Variants in PTPRO observed in about 807,000 individuals in gnomAD.
PTPRO encodes receptor-type tyrosine-protein phosphatase O.
PTPRO carries 62 observed loss-of-function variants against 145.2 expected under a neutral mutation model. The ratio of observed to expected loss-of-function variants is 0.43; its 90% CI spans 0.35 to 0.53. The LOEUF (loss-of-function observed/expected upper bound fraction) is 0.53, where lower values mean the gene tolerates loss of function less well. Ranked by LOEUF, PTPRO falls within the 20% of genes least tolerant of loss-of-function variation. The pLI is 0.01. For missense variants in PTPRO, 1,345 were observed against 1,482.7 expected (o/e 0.91, Z 1.53); for synonymous variants, 565 against 514.7 (o/e 1.10, Z -1.32).
rs142375659 is a variant in PTPRO at position 15,342,091 on chromosome 12, T to C, written c.75+19290T>C. On this transcript the variant is annotated intron_variant, in intron 1 of 26. Coordinates refer to ENST00000281171, the MANE Select transcript of PTPRO (RefSeq NM_030667.3). ...TGTATTTGTGCATGTGTGTAGTGTGTTTCGTGGAAGCCTTTAATTAACACG... is the reference window on the plus strand; with the variant it reads ...TGTATTTGTGCATGTGTGTAGTGTGCTTCGTGGAAGCCTTTAATTAACACG... 8.5e-4 allele frequency among the ~76,000 whole-genome samples: 129 copies of C among 152,368 alleles called. No homozygotes were observed. In the Middle Eastern group the frequency reaches 0.01, roughly 12 times the overall value.
intron 2 of PTPRO, among the ~76,000 whole-genome samples, chr12:15,491,222 G>A (rs1235479358): frequency 6.6e-6 from 1 of 152,184 alleles, no homozygotes; most frequent in East Asian, 1.9e-4. Flanking sequence ...TCCCTCAAGA[G>A]AACTGTGCCA....
intron 1 of PTPRO, among the ~76,000 whole-genome samples, chr12:15,399,773 C>G (rs115353389): frequency 0.078 from 11,899 of 151,764 alleles, 541 homozygotes; most frequent in African/African-American, 0.12. Context: ...ACCTTTGGCC[C>G]GGCACAGTGG....
chr12:15,447,994 T>C (rs367860305), intron 1 of PTPRO, among the ~76,000 whole-genome samples: 1 of 152,170 alleles, frequency 6.6e-6, no homozygotes, highest in Non-Finnish European at 1.5e-5. Context: ...GCTTCTGTTA[T>C]CATTGAGATA....
chr12:15,430,359 G>A (rs1397639944), intron 1 of PTPRO, among the ~76,000 whole-genome samples: 1 of 152,040 alleles, frequency 6.6e-6, no homozygotes, highest in African/African-American at 2.4e-5. Context: ...TATGATAGAA[G>A]CCGAGGGATT....
At chr12:15,561,474 G>A (rs1251809057) in intron 17 of PTPRO, among the ~76,000 whole-genome samples, 1 of 152,040 alleles carries the variant, frequency 6.6e-6, no homozygotes, top group African/African-American at 2.4e-5. Context: ...AGAGACTAGA[G>A]GAAAGCTTTT....
intron 10 of PTPRO, 67 bp from the exon 11 acceptor site, chr12:15,524,747 G>C: frequency 6.6e-7 from 1 of 1,513,386 alleles, no homozygotes; most frequent in South Asian, 1.1e-5. Flanking sequence ...GGGATTTCAT[G>C]CTCTGCTGGT....
At chr12:15,330,388 T>C (rs1004957416) in intron 1 of PTPRO, among the ~76,000 whole-genome samples, 5 of 152,018 alleles carry the variant, frequency 3.3e-5, no homozygotes, top group African/African-American at 1.2e-4. Context: ...CCTGGAAGAG[T>C]AGCGGTCTCA....
At chr12:15,538,456 C>G (rs980788924) in intron 12 of PTPRO, among the ~76,000 whole-genome samples, 1 of 152,194 alleles carries the variant, frequency 6.6e-6, no homozygotes, top group Non-Finnish European at 1.5e-5. Context: ...AACTCCTGAC[C>G]TCTTGATCTG....
intron 6 of PTPRO, among the ~76,000 whole-genome samples, 185 bp downstream of exon 6, chr12:15,504,254 G>A (rs183970612): frequency 6.6e-6 from 1 of 152,216 alleles, no homozygotes; most frequent in Admixed American, 6.5e-5. Flanking sequence ...TTTAATAGTA[G>A]CAATCCTATC....
chr12:15,522,535 C>CGT (rs1055607330), intron 10 of PTPRO, among the ~76,000 whole-genome samples: 1 of 151,838 alleles, frequency 6.6e-6, no homozygotes, highest in East Asian at 1.9e-4. Context: ...AGTAAAAACG[C>CGT]GTGTGTGTGT....
intron 14 of PTPRO, among the ~76,000 whole-genome samples, chr12:15,550,915 G>C (rs11056555): frequency 2.0e-5 from 3 of 151,978 alleles, no homozygotes; most frequent in African/African-American, 7.3e-5. Flanking sequence ...TCTTTATATA[G>C]AGTACATGAA....
intron 1 of PTPRO, among the ~76,000 whole-genome samples, chr12:15,355,738 G>A (rs1937966444): frequency 6.6e-6 from 1 of 152,092 alleles, no homozygotes; most frequent in Admixed American, 6.6e-5. Flanking sequence ...AATGTTTATT[G>A]AACTAAATTG....
chr12:15,548,751 A>G (rs1943370530), intron 13 of PTPRO, among the ~76,000 whole-genome samples: 1 of 152,194 alleles, frequency 6.6e-6, no homozygotes, highest in African/African-American at 2.4e-5. Context: ...TGATATGGAA[A>G]AAGCACCAAA....
intron 1 of PTPRO, among the ~76,000 whole-genome samples, chr12:15,411,740 A>T (rs10846172): frequency 0.13 from 19,547 of 152,248 alleles, 1,603 homozygotes; most frequent in Middle Eastern, 0.18. Flanking sequence ...GGGCGACAGA[A>T]ATACAACCTA....
chr12:15,581,374 C>T (rs1412617925), intron 22 of PTPRO, among the ~76,000 whole-genome samples: 1 of 145,200 alleles, frequency 6.9e-6, no homozygotes, highest in Non-Finnish European at 1.5e-5. Context: ...GATCTCAGCT[C>T]ACTGCAAACC....
intron 12 of PTPRO, among the ~76,000 whole-genome samples, chr12:15,545,718 C>G (rs1943271217): frequency 1.3e-5 from 2 of 152,068 alleles, no homozygotes; most frequent in South Asian, 4.1e-4. Flanking sequence ...CCAATCCCCT[C>G]CTATCAATTC....
At chr12:15,328,537 A>C (rs945938865) in intron 1 of PTPRO, among the ~76,000 whole-genome samples, 7 of 152,060 alleles carry the variant, frequency 4.6e-5, no homozygotes, top group Non-Finnish European at 1.0e-4. Context: ...GAGAAAAGTG[A>C]TATATGCTTG....
At position 15,597,128 on chromosome 12, in the gene PTPRO, A is replaced by G. The variant is rs1354717872; in HGVS notation, c.*1055A>G. The G allele has an allele frequency of 6.6e-6, 1 of 152,438 alleles. No homozygotes were observed. The highest frequency in any genetic ancestry group is 2.4e-5 in the African/African-American group (1 of 41,446). 9.4% of individuals were successfully genotyped at this position (152,438 alleles called of 1,614,324 possible). A position where few individuals can be genotyped will look rare whatever the true frequency, so the allele number is the denominator to read the frequency against. The stretch of plus-strand genomic sequence containing the variant: ...GTCAAATGTCTCTATGGATTCTGAC[A>G]GAGATTTCTTTTTGTTTTGTTATTC... On this transcript the variant is annotated 3_prime_UTR_variant, in exon 27 of 27. Transcript: ENST00000281171.
chr12:15,471,271 T>A (rs1941534717), intron 1 of PTPRO, among the ~76,000 whole-genome samples: 1 of 151,976 alleles, frequency 6.6e-6, no homozygotes, highest in African/African-American at 2.4e-5. Flanking sequence ...TCCCAGATAC[T>A]TGGGAGGCTG....
Sources: allele counts gnomAD v4.1 joint callset (sites outside exome capture counted in the v4.1 genomes callset), GRCh38; gene constraint gnomAD v4.1.1; transcripts MANE v1.5; gene names NCBI Gene and HGNC (gene_info 2026-07-23, HGNC 2026-07-21).